IGF1: variants seen among roughly 807,000 people sequenced by gnomAD.
The protein encoded by IGF1 is insulin like growth factor 1, also known as insulin-like growth factor 1.
In IGF1, 4 loss-of-function variants were observed where a neutral mutation model predicts 13.8. The ratio of observed to expected loss-of-function variants is 0.29; its 90% CI spans 0.14 to 0.66. The LOEUF is 0.66. IGF1 is among the 30% of genes least tolerant of loss of function. IGF1 has a pLI of 0.78. For synonymous variants in IGF1, 76 were observed against 72.6 expected (o/e 1.05, Z -0.23); for missense variants, 124 against 188.5 (o/e 0.66, Z 2.00).
intron 2 of IGF1, among the ~76,000 whole-genome samples, chr12:102,459,249 T>A (rs2058170698): frequency 6.6e-6 from 1 of 152,196 alleles, no homozygotes; most frequent in Non-Finnish European, 1.5e-5. Flanking sequence ...TGCCTTACTG[T>A]CAAATTGGGG....
chr12:102,454,538 G>A (rs1007585152), intron 2 of IGF1, among the ~76,000 whole-genome samples: 1 of 152,230 alleles, frequency 6.6e-6, no homozygotes, highest in Admixed American at 6.5e-5. Flanking sequence ...TGTCTTAGCT[G>A]AGTCTGAAGG....
intron 2 of IGF1, among the ~76,000 whole-genome samples, chr12:102,422,152 GATGGGTTTAGGTAC>G (rs1470480438): frequency 6.6e-6 from 1 of 152,138 alleles, no homozygotes; most frequent in Non-Finnish European, 1.5e-5. Flanking sequence ...TCTGTAGATC[GATGGGTTTAGGTAC>G]AGAGAATTTT....
intron 3 of IGF1, chr12:102,417,460 C>G (rs928742127): frequency 2.6e-6 from 2 of 773,416 alleles, no homozygotes. Flanking sequence ...CAGATTCATA[C>G]AAAATTTAAA....
Position 102,402,335 on chromosome 12 carries a change from C to A in IGF1, c.*172G>T. 2.9e-6 allele frequency: 2 copies of A among 695,708 alleles called. No individual in the cohort carries two copies. Among genetic ancestry groups the A allele is most frequent in the Non-Finnish European group, 5.3e-6 (2 of 377,712 alleles). The allele number at this position is 695,708 out of a possible 1,614,324, so 43.1% of individuals were successfully genotyped here. A position where few individuals can be genotyped will look rare whatever the true frequency, so the allele number is the denominator to read the frequency against. On this transcript the variant is annotated 3_prime_UTR_variant, in exon 4 of 4. Transcript: ENST00000337514. Reference sequence around the variant, plus strand: ...CCATTTTTGCAAGGTGCAAATCACTCCTAAAGACAATGTTGGAATGTTTAC... The same window carrying A: ...CCATTTTTGCAAGGTGCAAATCACTACTAAAGACAATGTTGGAATGTTTAC...
At chr12:102,425,704 G>A (rs781580744) in intron 2 of IGF1, among the ~76,000 whole-genome samples, 6 of 152,200 alleles carry the variant, frequency 3.9e-5, no homozygotes, top group Non-Finnish European at 8.8e-5. Context: ...GGCGATAACA[G>A]CAAGAGATTC....
At chr12:102,417,344 G>A (rs764179286) in intron 3 of IGF1, 5 of 201,272 alleles carry the variant, frequency 2.5e-5, no homozygotes, top group East Asian at 1.8e-4. Context: ...ATGACATTGC[G>A]GGAAAAGGGA....
intron 2 of IGF1, among the ~76,000 whole-genome samples, chr12:102,451,858 G>A (rs746334888): frequency 3.9e-5 from 6 of 152,074 alleles, no homozygotes; most frequent in Non-Finnish European, 8.8e-5. Flanking sequence ...GGAGCATGGG[G>A]GTGGTTTCCC....
At chr12:102,436,975 T>G (rs952843884) in intron 2 of IGF1, among the ~76,000 whole-genome samples, 1 of 152,234 alleles carries the variant, frequency 6.6e-6, no homozygotes, top group Non-Finnish European at 1.5e-5. Context: ...CACTGCTGGC[T>G]TCCCAATTAG....
chr12:102,413,189 AAAC>A (rs1229314909), intron 3 of IGF1, among the ~76,000 whole-genome samples: 1 of 152,188 alleles, frequency 6.6e-6, no homozygotes, highest in South Asian at 2.1e-4. Flanking sequence ...GCTTCATCTA[AAAC>A]TATTAATCTT....
chr12:102,480,744 A>G, upstream of IGF1: 1 of 445,764 alleles, frequency 2.2e-6, no homozygotes, highest in South Asian at 3.2e-5. Flanking sequence ...TAGAGCACAG[A>G]AGCATTTTTT....
intron 2 of IGF1, among the ~76,000 whole-genome samples, chr12:102,432,162 G>T (rs1876794556): frequency 6.6e-6 from 1 of 152,184 alleles, no homozygotes; most frequent in East Asian, 1.9e-4. Context: ...ATGCAGTACT[G>T]TATTTTTTCC....
intron 3 of IGF1, among the ~76,000 whole-genome samples, chr12:102,408,417 A>G (rs1332481468): frequency 6.6e-6 from 1 of 152,236 alleles, no homozygotes; most frequent in Non-Finnish European, 1.5e-5. Context: ...CGATCTACTC[A>G]GCACTTTGGG....
chr12:102,422,217 T>G (rs1055193022), intron 2 of IGF1, among the ~76,000 whole-genome samples: 2 of 152,206 alleles, frequency 1.3e-5, no homozygotes, highest in African/African-American at 2.4e-5. Context: ...GTTTATCTTA[T>G]GTCTACATTT....
At chr12:102,418,050 T>C in intron 3 of IGF1, 3 of 1,591,008 alleles carry the variant, frequency 1.9e-6, no homozygotes, top group Non-Finnish European at 1.7e-6. Context: ...GTGGTTCCCA[T>C]GGTGTCCCTT....
chr12:102,402,839 CT>C (rs1393047744), intron 3 of IGF1, among the ~76,000 whole-genome samples: 1 of 152,174 alleles, frequency 6.6e-6, no homozygotes, highest in African/African-American at 2.4e-5. Context: ...GATTCATCTG[CT>C]TCTATCACAG....
chr12:102,436,626 A>C (rs557955245), intron 2 of IGF1, among the ~76,000 whole-genome samples: 1 of 152,216 alleles, frequency 6.6e-6, no homozygotes, highest in Non-Finnish European at 1.5e-5. Flanking sequence ...GGTGGAAGGG[A>C]ATATACCACT....
intron 2 of IGF1, among the ~76,000 whole-genome samples, chr12:102,433,185 A>C (rs1345139901): frequency 6.6e-6 from 1 of 151,996 alleles, no homozygotes; most frequent in African/African-American, 2.4e-5. Context: ...TTGGCTGAAC[A>C]CTCCTGTCCT....
rs183201685 is a variant in IGF1, at chr12:102,441,731, A to G, written c.221-22041T>C. Reference sequence around the variant, plus strand: ...ATCTGGTTTATACATATGCTGTATCATTTACCTTTTACAACAATCCTATGA... The same window carrying G: ...ATCTGGTTTATACATATGCTGTATCGTTTACCTTTTACAACAATCCTATGA... On this transcript the variant is annotated intron_variant, in intron 2 of 3. Coordinates refer to ENST00000337514, the MANE Select transcript of IGF1 (RefSeq NM_000618.5). Among the ~76,000 whole-genome samples, 26 of 152,260 alleles carry G rather than the reference A, an allele frequency of 1.7e-4. No individual in the cohort carries two copies. The East Asian group carries it at 4.2e-3, about 25-fold the overall frequency.
intron 2 of IGF1, among the ~76,000 whole-genome samples, chr12:102,427,581 T>A (rs960779747): frequency 6.6e-6 from 1 of 152,202 alleles, no homozygotes; most frequent in African/African-American, 2.4e-5. Flanking sequence ...AGGGCACATC[T>A]GGACCTTGTC....
Sources: gnomAD v4.1 joint callset for allele counts (sites outside exome capture counted in the v4.1 genomes callset) on GRCh38, gnomAD v4.1.1 for gene constraint, MANE v1.5 for transcripts, NCBI Gene and HGNC (gene_info 2026-07-23, HGNC 2026-07-21) for gene names.